Variants in FRMPD4 observed in about 807,000 individuals in gnomAD.
FRMPD4 encodes FERM and PDZ domain containing 4, also known as FERM and PDZ domain-containing protein 4.
Under a neutral mutation model 94.1 loss-of-function variants are expected in FRMPD4, and 22 were observed. The observed-to-expected ratio is 0.23, with a 90% CI of 0.17 to 0.33. The LOEUF (loss-of-function observed/expected upper bound fraction) is 0.33. FRMPD4 is among the 10% of genes least tolerant of loss of function. FRMPD4 has a pLI of 1.00. For synonymous variants in FRMPD4, 631 were observed against 548.6 expected (o/e 1.15, Z -2.10); for missense variants, 1,111 against 1,339.9 (o/e 0.83, Z 2.67).
intron 1 of FRMPD4, among the ~76,000 whole-genome samples, chrX:11,832,548 A>G (rs998787236): frequency 8.9e-6 from 1 of 111,801 alleles, no homozygotes; most frequent in Non-Finnish European, 1.9e-5. Flanking sequence ...CAAACAGAGC[A>G]TAGAAATCAG....
chrX:12,463,152 A>G (rs887774792), intron 1 of FRMPD4, among the ~76,000 whole-genome samples: 1 of 111,945 alleles, frequency 8.9e-6, no homozygotes, highest in Non-Finnish European at 1.9e-5. Flanking sequence ...TTCTTTCTAC[A>G]AATTTAATCA....
chrX:12,161,063 GT>G (rs2056017558), intron 1 of FRMPD4, among the ~76,000 whole-genome samples: 1 of 111,187 alleles, frequency 9.0e-6, no homozygotes, highest in East Asian at 2.8e-4. Context: ...ACCTCCTTCT[GT>G]TGCTGCTGCT....
chrX:12,521,597 T>G (rs2148271234), intron 2 of FRMPD4, among the ~76,000 whole-genome samples: 1 of 112,734 alleles, frequency 8.9e-6, no homozygotes, highest in South Asian at 3.6e-4. Flanking sequence ...GCTAAGCAAT[T>G]GTTCTTCTAT....
intron 1 of FRMPD4, among the ~76,000 whole-genome samples, chrX:11,851,803 T>C (rs922316562): frequency 3.6e-5 from 4 of 111,380 alleles, no homozygotes; most frequent in African/African-American, 1.3e-4. Flanking sequence ...TCAACACTTC[T>C]ATTGGATTTT....
intron 1 of FRMPD4, among the ~76,000 whole-genome samples, chrX:12,282,746 A>G (rs1436120080): frequency 1.8e-5 from 2 of 111,896 alleles, no homozygotes; most frequent in African/African-American, 6.5e-5. Flanking sequence ...CTCATGTTGG[A>G]GCTTCTTCCA....
intron 4 of FRMPD4, among the ~76,000 whole-genome samples, chrX:12,659,022 C>A (rs1441272061): frequency 1.8e-5 from 2 of 112,323 alleles, no homozygotes; most frequent in Admixed American, 9.4e-5. Flanking sequence ...TGGGCCCTGG[C>A]CCTCTCTCTG....
Position 12,633,875 on chromosome X carries a change from G to A in FRMPD4, c.422+18994G>A, listed in dbSNP as rs764964029. Among the ~76,000 whole-genome samples the A allele has an allele frequency of 1.1e-4, 12 of 112,071 alleles. No homozygotes were observed. In the South Asian group the frequency reaches 4.5e-3, roughly 42 times the overall value. On this transcript the variant is annotated intron_variant, in intron 4 of 16. Coordinates refer to ENST00000675598, the MANE Select transcript of FRMPD4 (RefSeq NM_001368397.1). ...TATGTGCACCAAGTTATTTACCACCGTGTAGTAGACAATAAAAAGCAGTTT... is the reference window on the plus strand; with the variant it reads ...TATGTGCACCAAGTTATTTACCACCATGTAGTAGACAATAAAAAGCAGTTT...
rs201319402 is a variant in FRMPD4 at position 12,163,462 on chromosome X, T to TAA, written c.41+24475_41+24476dup. ...TTTTTTTTATTCCAATGACCCTTTG[T>TAA]AAAAAAAAAAAAAAAAAAAAAAAAA... On this transcript the variant is annotated intron_variant, in intron 1 of 16. Coordinates refer to ENST00000675598, the MANE Select transcript of FRMPD4 (RefSeq NM_001368397.1). 6.1e-3 allele frequency among the ~76,000 whole-genome samples: 413 copies of TAA among 67,606 alleles called. 14 individuals carry two copies. Among genetic ancestry groups the TAA allele is most frequent in the African/African-American group, 0.022 (386 of 17,771 alleles). The allele number at this position is 67,606 out of a possible 115,157, so 58.7% of individuals were successfully genotyped here. A position where few individuals can be genotyped will look rare whatever the true frequency, so the allele number is the denominator to read the frequency against.
At chrX:11,854,609 C>T (rs780538139) in intron 1 of FRMPD4, among the ~76,000 whole-genome samples, 7 of 112,416 alleles carry the variant, frequency 6.2e-5, no homozygotes, top group African/African-American at 1.6e-4. Flanking sequence ...GCTACAAGCC[C>T]CTGCAAGTCT....
At chrX:12,670,695 A>G (rs191803165) in intron 4 of FRMPD4, among the ~76,000 whole-genome samples, 1 of 112,333 alleles carries the variant, frequency 8.9e-6, no homozygotes, top group African/African-American at 3.2e-5. Flanking sequence ...CTTCATGACT[A>G]AAACACCAAA....
At chrX:12,634,309 T>C in intron 4 of FRMPD4, among the ~76,000 whole-genome samples, 1 of 112,448 alleles carries the variant, frequency 8.9e-6, no homozygotes, top group African/African-American at 3.2e-5. Flanking sequence ...GATAGCTTTG[T>C]GGGCTGAGCA....
At chrX:12,515,873 G>A (rs765766304) in intron 2 of FRMPD4, among the ~76,000 whole-genome samples, 1 of 111,582 alleles carries the variant, frequency 9.0e-6, no homozygotes, top group Non-Finnish European at 1.9e-5. Context: ...ATGAATCTGG[G>A]TGCTCCTGTA....
At chrX:12,035,775 C>T (rs1247401048) in intron 3 of FRMPD4, among the ~76,000 whole-genome samples, 2 of 111,373 alleles carry the variant, frequency 1.8e-5, no homozygotes, top group Non-Finnish European at 3.8e-5. Context: ...ACAAGCCTCA[C>T]GTTGCTACAG....
At chrX:12,380,351 G>A (rs996134485) in intron 1 of FRMPD4, among the ~76,000 whole-genome samples, 1 of 112,046 alleles carries the variant, frequency 8.9e-6, no homozygotes, top group African/African-American at 3.2e-5. Flanking sequence ...TTAGAAAAGT[G>A]CAAGCTCAAA....
At position 12,192,935 on chromosome X, in the gene FRMPD4, C is replaced by T. The variant is rs148344092; in HGVS notation, c.41+53923C>T. 4.9e-3 allele frequency among the ~76,000 whole-genome samples: 552 copies of T among 111,915 alleles called. 5 individuals carry two copies. The highest frequency in any genetic ancestry group is 0.017 in the African/African-American group (527 of 30,879). On this transcript the variant is annotated intron_variant, in intron 1 of 16. Transcript: ENST00000675598. ...GGTGTTATACAACCAGAAAGTATCACGTACTTATCCAACTGCTGTTGTTGC... is the reference window on the plus strand; with the variant it reads ...GGTGTTATACAACCAGAAAGTATCATGTACTTATCCAACTGCTGTTGTTGC...
chrX:12,539,823 G>T (rs113521199), intron 2 of FRMPD4, among the ~76,000 whole-genome samples: 13 of 110,950 alleles, frequency 1.2e-4, no homozygotes. Context: ...TAGTAGAGAC[G>T]GGTTTTCTCC....
chrX:12,424,580 C>A (rs976081649), intron 1 of FRMPD4, among the ~76,000 whole-genome samples: 1 of 111,918 alleles, frequency 8.9e-6, no homozygotes, highest in Non-Finnish European at 1.9e-5. Flanking sequence ...TCAGATAGAT[C>A]GAGGGTGGGA....
intron 1 of FRMPD4, among the ~76,000 whole-genome samples, chrX:12,308,428 CAGAG>C (rs1259122737): frequency 9.8e-5 from 11 of 111,835 alleles, no homozygotes; most frequent in Non-Finnish European, 1.7e-4. Context: ...TGCGACCACA[CAGAG>C]AGATCAGGAG....
At chrX:12,459,208 G>C (rs951869679) in intron 1 of FRMPD4, among the ~76,000 whole-genome samples, 1 of 101,323 alleles carries the variant, frequency 9.9e-6, no homozygotes, top group Non-Finnish European at 2.1e-5. Context: ...TTTCTCCCAG[G>C]ATCCTTTTTT....
Sources: allele counts gnomAD v4.1 joint callset (sites outside exome capture counted in the v4.1 genomes callset), GRCh38; gene constraint gnomAD v4.1.1; transcripts MANE v1.5; gene names NCBI Gene and HGNC (gene_info 2026-07-23, HGNC 2026-07-21).